KAT7: variants seen among roughly 807,000 people sequenced by gnomAD.
KAT7 encodes the protein histone acetyltransferase KAT7.
In KAT7, 10 loss-of-function variants were observed where a neutral mutation model predicts 82.1. That is an observed-to-expected ratio of 0.12 (90% confidence interval 0.08 to 0.21). The LOEUF is 0.21. Among genes scored for constraint, KAT7 ranks in the 10% least tolerant of loss-of-function variants. The probability of loss-of-function intolerance (pLI) is 1.00; values close to 1 mark genes in which losing one functional copy is unlikely to be tolerated. For synonymous variants in KAT7, 250 were observed against 262.5 expected, an observed-to-expected ratio of 0.95 and a Z score of 0.46; for missense variants, 378 against 760.9, an observed-to-expected ratio of 0.50 and a Z score of 5.92.
rs979110110 is a variant in KAT7 at position 49,834,457 on chromosome 17, C to T, written c.*6955C>T. The stretch of plus-strand genomic sequence containing the variant: ...GCTGCGCCCAACCTTCTTCTGCTGT[C>T]GAGATACTGCTCATCACCTGCCTGC... On this transcript the variant is annotated 3_prime_UTR_variant, in exon 15 of 15. Coordinates refer to ENST00000259021, the MANE Select transcript of KAT7 (RefSeq NM_007067.5). 2 of 152,260 alleles carry T rather than the reference C, an allele frequency of 1.3e-5. No homozygotes were observed. Among genetic ancestry groups the T allele is most frequent in the Non-Finnish European group, 2.9e-5 (2 of 68,064 alleles). 9.4% of individuals were successfully genotyped at this position (152,260 alleles called of 1,614,324 possible).
chr17:49,828,482 G>T lies in KAT7; in HGVS notation c.*980G>T, dbSNP rs2074393691. The T allele has an allele frequency of 6.6e-6, 1 of 152,496 alleles. No homozygotes were observed. The highest frequency in any genetic ancestry group is 2.4e-5 in the African/African-American group (1 of 41,412). The allele number at this position is 152,496 out of a possible 1,614,324, so 9.4% of individuals were successfully genotyped here. A position where few individuals can be genotyped will look rare whatever the true frequency, so the allele number is the denominator to read the frequency against. ...GAGTGCCCTGGGAGAAGTAGAAAATGATTGAAAGTGACTTCCGTATCTCAG... is the reference window on the plus strand; with the variant it reads ...GAGTGCCCTGGGAGAAGTAGAAAATTATTGAAAGTGACTTCCGTATCTCAG... On this transcript the variant is annotated 3_prime_UTR_variant, in exon 15 of 15. Transcript: ENST00000259021.
chr17:49,797,042 G>A, intron 3 of KAT7, 116 bp downstream of exon 3: 2 of 733,394 alleles, frequency 2.7e-6, no homozygotes, highest in Non-Finnish European at 4.5e-6. Context: ...GATGAATGCT[G>A]TTTGCTTGCT....
At chr17:49,819,381 G>A (rs1719506244) in intron 9 of KAT7, among the ~76,000 whole-genome samples, 1 of 152,136 alleles carries the variant, frequency 6.6e-6, no homozygotes, top group African/African-American at 2.4e-5. Flanking sequence ...AAATAATGGG[G>A]TCAGAAGGTG....
At position 49,832,816 on chromosome 17, in the gene KAT7, A is replaced by G. The variant is rs1255996638; in HGVS notation, c.*5314A>G. The G allele has an allele frequency of 1.3e-5, 2 of 152,214 alleles. No homozygotes were observed. The highest frequency in any genetic ancestry group is 2.9e-5 in the Non-Finnish European group (2 of 68,036). The allele number at this position is 152,214 out of a possible 1,614,324, so 9.4% of individuals were successfully genotyped here. A position where few individuals can be genotyped will look rare whatever the true frequency, so the allele number is the denominator to read the frequency against. ...ATAAAATATGAAAACTACTTTGCTG[A>G]ATGATAGTATGTGATGTGTGCTAGG... On this transcript the variant is annotated 3_prime_UTR_variant, in exon 15 of 15. Transcript: ENST00000259021.
At chr17:49,807,921 G>T (rs1338411455) in intron 5 of KAT7, among the ~76,000 whole-genome samples, 6 of 152,024 alleles carry the variant, frequency 3.9e-5, no homozygotes, top group Non-Finnish European at 8.8e-5. Flanking sequence ...GGAAGATTTG[G>T]GGTAGAGCAG....
At chr17:49,817,535 C>T (rs1274060948) in intron 8 of KAT7, among the ~76,000 whole-genome samples, 4 of 152,152 alleles carry the variant, frequency 2.6e-5, no homozygotes, top group Admixed American at 1.3e-4. Flanking sequence ...TGCAGTAGTG[C>T]GATCTCGGTT....
intron 11 of KAT7, 114 bp downstream of exon 11, chr17:49,821,904 C>T: frequency 1.2e-6 from 1 of 852,512 alleles, no homozygotes; most frequent in Non-Finnish European, 1.9e-6. Context: ...AATGATGACA[C>T]CCCTTCCTTA....
intron 12 of KAT7, chr17:49,824,879 A>G (rs1013019473): frequency 6.6e-6 from 1 of 151,808 alleles, no homozygotes; most frequent in Non-Finnish European, 1.5e-5. Context: ...CTACATTTTC[A>G]CTTGCCATTA....
chr17:49,808,528 G>A (rs2143913744), intron 5 of KAT7, among the ~76,000 whole-genome samples: 1 of 150,800 alleles, frequency 6.6e-6, no homozygotes, highest in South Asian at 2.1e-4. Flanking sequence ...TCGGCTCACT[G>A]CAACTTCTAC....
At chr17:49,808,160 C>T (rs1389298493) in intron 5 of KAT7, among the ~76,000 whole-genome samples, 1 of 134,284 alleles carries the variant, frequency 7.4e-6, no homozygotes, top group African/African-American at 2.9e-5. Flanking sequence ...CTCGCTCTGT[C>T]ACCCAGGCTG....
At chr17:49,797,066 C>CA in intron 3 of KAT7, 140 bp downstream of exon 3, 4 of 510,690 alleles carry the variant, frequency 7.8e-6, no homozygotes, top group East Asian at 3.4e-5. Flanking sequence ...TTTCTTATGT[C>CA]TTTTTTTTTT....
chr17:49,803,455 C>T (rs1312280378), intron 4 of KAT7, among the ~76,000 whole-genome samples: 3 of 150,496 alleles, frequency 2.0e-5, no homozygotes, highest in Admixed American at 6.7e-5. Flanking sequence ...GATGGAGTCT[C>T]GCTTTGTCAC....
At chr17:49,815,964 G>C in intron 8 of KAT7, 51 bp downstream of exon 8, 1 of 1,071,828 alleles carries the variant, frequency 9.3e-7, no homozygotes, top group Non-Finnish European at 1.4e-6. Context: ...GGTGCTTAGA[G>C]TTGCCAGGAA....
intron 2 of KAT7, among the ~76,000 whole-genome samples, chr17:49,796,240 T>C (rs2073954380): frequency 6.6e-6 from 1 of 152,134 alleles, no homozygotes; most frequent in African/African-American, 2.4e-5. Flanking sequence ...AGGAAATCGT[T>C]TTGTTTGTTG....
Position 49,834,493 on chromosome 17 carries a change from A to C in KAT7, c.*6991A>C, listed in dbSNP as rs1041176228. 6.6e-6 allele frequency: 1 copy of C among 152,246 alleles called. No individual in the cohort carries two copies. Among genetic ancestry groups the C allele is most frequent in the African/African-American group, 2.4e-5 (1 of 41,452 alleles). 9.4% of individuals were successfully genotyped at this position (152,246 alleles called of 1,614,324 possible). A position where few individuals can be genotyped will look rare whatever the true frequency, so the allele number is the denominator to read the frequency against. On this transcript the variant is annotated 3_prime_UTR_variant, in exon 15 of 15. Coordinates refer to ENST00000259021, the MANE Select transcript of KAT7 (RefSeq NM_007067.5). ...TCATCACCTGCCTGCTCCAGAATTC[A>C]TGTGGCTTCTCATTGCTCAATGGAT...
intron 12 of KAT7, 102 bp downstream of exon 12, chr17:49,823,397 AG>A: frequency 2.9e-6 from 2 of 699,280 alleles, no homozygotes; most frequent in East Asian, 5.0e-5. Context: ...AATATAGTGA[AG>A]GTACATGGAT....
intron 4 of KAT7, among the ~76,000 whole-genome samples, chr17:49,805,018 A>G (rs2074073938): frequency 6.6e-6 from 1 of 152,212 alleles, no homozygotes; most frequent in Admixed American, 6.5e-5. Flanking sequence ...TTAGTATAGG[A>G]GAGTTACATT....
At position 49,823,195 on chromosome 17, in the gene KAT7, A is replaced by AT; in HGVS notation, c.1387-3dup. The AT allele has an allele frequency of 6.5e-7, 1 of 1,533,894 alleles. No individual in the cohort carries two copies. The highest frequency in any genetic ancestry group is 9.0e-7 in the Non-Finnish European group (1 of 1,108,150). On this transcript the variant is annotated splice_polypyrimidine_tract_variant and splice_region_variant and intron_variant, in intron 11 of 14. Coordinates refer to ENST00000259021, the MANE Select transcript of KAT7 (RefSeq NM_007067.5). Reference sequence around the variant, plus strand: ...TGACGTGTTCATCTGTTTGCTCTTGATTTTAGGAAAAGAATTCATTCCTCA... The same window carrying AT: ...TGACGTGTTCATCTGTTTGCTCTTGATTTTTAGGAAAAGAATTCATTCCTCA...
At chr17:49,821,282 G>A (rs772393953) in intron 9 of KAT7, 55 bp from the exon 10 acceptor site, 9 of 1,307,732 alleles carry the variant, frequency 6.9e-6, no homozygotes, top group East Asian at 4.7e-5. Context: ...CCCTTTTGAG[G>A]AGCAGTCTTG....
Sources: gnomAD v4.1 joint callset for allele counts (sites outside exome capture counted in the v4.1 genomes callset) on GRCh38, gnomAD v4.1.1 for gene constraint, MANE v1.5 for transcripts, NCBI Gene and HGNC (gene_info 2026-07-23, HGNC 2026-07-21) for gene names.